OR11A1: variants seen among roughly 807,000 people sequenced by gnomAD.
OR11A1 encodes olfactory receptor family 11 subfamily A member 1, also known as olfactory receptor 11A1.
For missense variants in OR11A1, 380 were observed against 378.2 expected, an observed-to-expected ratio of 1.00 and a Z score of -0.04; for synonymous variants, 158 against 152.2, an observed-to-expected ratio of 1.04 and a Z score of -0.28.
Position 29,426,637 on chromosome 6 carries a change from G to C in OR11A1, c.*57C>G, listed in dbSNP as rs1023001729. ...AAGTTACTCCTCTCCAACCCATCCT[G>C]GAAGAGTCCCCAGTGGAGGTGTCCG... is the stretch of plus-strand genomic sequence containing the variant. On this transcript the variant is annotated 3_prime_UTR_variant, in exon 5 of 5. Transcript: ENST00000377149. 7.3e-7 allele frequency: 1 copy of C among 1,372,914 alleles called. No individual in the cohort carries two copies. The allele number at this position is 1,372,914 out of a possible 1,614,324, so 85.0% of individuals were successfully genotyped here.
At chr6:29,429,140 A>C (rs1783079498) in intron 3 of OR11A1, among the ~76,000 whole-genome samples, 180 bp from the exon 4 acceptor site, 1 of 152,228 alleles carries the variant, frequency 6.6e-6, no homozygotes, top group Admixed American at 6.5e-5. Context: ...GTTATCTTTA[A>C]TACAAATAGT....
At chr6:29,449,677 C>T (rs1370815047) in intron 1 of OR11A1, among the ~76,000 whole-genome samples, 1 of 152,112 alleles carries the variant, frequency 6.6e-6, no homozygotes, top group Non-Finnish European at 1.5e-5. Flanking sequence ...CGCTCTGACT[C>T]CCAGGCTGGA....
chr6:29,447,634 C>T (rs1784904689), intron 1 of OR11A1, among the ~76,000 whole-genome samples: 1 of 152,148 alleles, frequency 6.6e-6, no homozygotes, highest in Non-Finnish European at 1.5e-5. Context: ...GAATGCAGGC[C>T]ATATACTCTT....
At chr6:29,439,154 A>G (rs1456741793) in intron 1 of OR11A1, among the ~76,000 whole-genome samples, 5 of 152,262 alleles carry the variant, frequency 3.3e-5, no homozygotes, top group Admixed American at 1.3e-4. Flanking sequence ...AACTTTAGAT[A>G]AATCTGGCAT....
At chr6:29,440,126 C>G in intron 1 of OR11A1, 11 of 1,613,356 alleles carry the variant, frequency 6.8e-6, no homozygotes, top group Non-Finnish European at 8.5e-6. Flanking sequence ...ACCTGCTGAC[C>G]GTGGCAGGCA....
intron 1 of OR11A1, among the ~76,000 whole-genome samples, chr6:29,456,458 C>T (rs144799627): frequency 0.019 from 2,850 of 151,148 alleles, 56 homozygotes; most frequent in East Asian, 0.088. Flanking sequence ...TTCAGTGAGC[C>T]GAGATCGCGC....
In OR11A1 at chr6:29,436,941, G is replaced by A. The variant is rs115991090; in HGVS notation, c.-388-4954C>T. Among the ~76,000 whole-genome samples the A allele has an allele frequency of 8.0e-3, 1,216 of 152,342 alleles. 14 individuals are homozygous for A. Among genetic ancestry groups the A allele is most frequent in the East Asian group, 0.025 (131 of 5,184 alleles). On this transcript the variant is annotated intron_variant, in intron 1 of 4. Transcript: ENST00000377149. Reference sequence around the variant, plus strand: ...GCGCTGCTCGCGAAGCGTTCTTGGCGTTGGGCGGCCGCAGCGGCTGCTTTC... The same window carrying A: ...GCGCTGCTCGCGAAGCGTTCTTGGCATTGGGCGGCCGCAGCGGCTGCTTTC...
chr6:29,436,419 T>A (rs1783631078), intron 1 of OR11A1, among the ~76,000 whole-genome samples: 1 of 152,220 alleles, frequency 6.6e-6, no homozygotes, highest in Non-Finnish European at 1.5e-5. Flanking sequence ...ATTTGCTAGA[T>A]AAGCTCTGTT....
chr6:29,452,145 A>C (rs924814778), intron 1 of OR11A1, among the ~76,000 whole-genome samples: 14 of 152,212 alleles, frequency 9.2e-5, no homozygotes, highest in African/African-American at 2.9e-4. Flanking sequence ...ATGACCACAA[A>C]GAAAGTAACA....
intron 1 of OR11A1, among the ~76,000 whole-genome samples, chr6:29,449,060 T>C (rs1176274187): frequency 2.6e-5 from 4 of 152,048 alleles, no homozygotes; most frequent in Non-Finnish European, 5.9e-5. Context: ...GAGTATGGGG[T>C]CAGAGAAGGA....
At chr6:29,443,279 C>T (rs1038265254) in intron 1 of OR11A1, among the ~76,000 whole-genome samples, 1 of 152,160 alleles carries the variant, frequency 6.6e-6, no homozygotes, top group East Asian at 1.9e-4. Flanking sequence ...CTCTCTTTCA[C>T]CCCTCCCTGC....
At chr6:29,456,561 C>A (rs1465331134) in intron 1 of OR11A1, among the ~76,000 whole-genome samples, 1 of 151,968 alleles carries the variant, frequency 6.6e-6, no homozygotes, top group Non-Finnish European at 1.5e-5. Context: ...TGAGATATCA[C>A]CTGATATCCA....
intron 1 of OR11A1, among the ~76,000 whole-genome samples, chr6:29,444,534 G>A (rs1374649698): frequency 6.6e-6 from 1 of 152,158 alleles, no homozygotes; most frequent in East Asian, 1.9e-4. Flanking sequence ...GCTCTGGATT[G>A]AGTTCCAGAT....
intron 1 of OR11A1, among the ~76,000 whole-genome samples, chr6:29,446,888 T>A (rs1187869192): frequency 1.3e-5 from 2 of 152,102 alleles, no homozygotes; most frequent in African/African-American, 4.8e-5. Context: ...TAAGATCCAT[T>A]TTGCAATCAC....
chr6:29,443,355 T>C (rs1013217806), intron 1 of OR11A1, among the ~76,000 whole-genome samples: 8 of 152,174 alleles, frequency 5.3e-5, no homozygotes, highest in Middle Eastern at 3.2e-3. Flanking sequence ...TTCAGAGTTT[T>C]ATATAAATGA....
chr6:29,454,606 G>A (rs1406669213), intron 1 of OR11A1, among the ~76,000 whole-genome samples: 1 of 152,086 alleles, frequency 6.6e-6, no homozygotes, highest in Non-Finnish European at 1.5e-5. Context: ...CCACTGTCAG[G>A]TAATATCCAA....
At position 29,427,389 on chromosome 6, in the gene OR11A1, C is replaced by G. The variant is rs1303750504; in HGVS notation, c.253G>C (p.Glu85Gln). 1 of 1,613,078 alleles carries G rather than the reference C, an allele frequency of 6.2e-7. No homozygotes were observed. The highest frequency in any genetic ancestry group is 8.5e-7 in the Non-Finnish European group (1 of 1,180,040). ...YTSAVMPKMLEGFLQEATISV... is the reference protein window; with the variant it reads ...YTSAVMPKMLQGFLQEATISV... ...ATAGTTGCTTCTTGCAGGAAGCCCT[C>G]CAGCATTTTTGGCATCACTGCGGAG... The change falls in exon 5 of 5, where the codon GAG (glutamate) becomes CAG (glutamine). Residue 85 changes from glutamate to glutamine, a missense_variant. Transcript: ENST00000377149.
intron 4 of OR11A1, 63 bp from the exon 5 acceptor site, chr6:29,427,795 G>T: frequency 1.6e-6 from 2 of 1,212,136 alleles, no homozygotes; most frequent in Non-Finnish European, 2.2e-6. Flanking sequence ...GCTCACGCAA[G>T]TCTTCAACTA....
intron 1 of OR11A1, among the ~76,000 whole-genome samples, chr6:29,446,886 A>G (rs901077055): frequency 2.0e-5 from 3 of 152,196 alleles, no homozygotes; most frequent in Non-Finnish European, 2.9e-5. Context: ...AATAAGATCC[A>G]TTTTGCAATC....
Sources: allele counts gnomAD v4.1 joint callset (sites outside exome capture counted in the v4.1 genomes callset), GRCh38; gene constraint gnomAD v4.1.1; transcripts MANE v1.5; gene names NCBI Gene and HGNC (gene_info 2026-07-23, HGNC 2026-07-21).